The following NAT10 variants were observed in gnomAD, a reference collection of about 807,000 sequenced individuals.
The protein encoded by NAT10 is N-acetyltransferase 10, also known as RNA cytidine acetyltransferase.
Under a neutral mutation model 132.2 loss-of-function variants are expected in NAT10, and 109 were observed. The observed-to-expected ratio is 0.82, with a 90% CI of 0.71 to 0.97. The LOEUF (loss-of-function observed/expected upper bound fraction) is 0.97. Ranked by LOEUF, NAT10 falls within the 50% of genes least tolerant of loss-of-function variation. The probability of loss-of-function intolerance (pLI) is 0.00; values close to 1 mark genes in which losing one functional copy is unlikely to be tolerated. For missense variants in NAT10, 1,184 were observed against 1,263.4 expected, an observed-to-expected ratio of 0.94 and a Z score of 0.95; for synonymous variants, 479 against 478.0, an observed-to-expected ratio of 1.00 and a Z score of -0.03.
At chr11:34,106,435 T>A (rs1481344378) in intron 1 of NAT10, among the ~76,000 whole-genome samples, 1 of 152,082 alleles carries the variant, frequency 6.6e-6, no homozygotes, top group African/African-American at 2.4e-5. Context: ...TTTTTTTTTT[T>A]ACATCTAATT....
Position 34,117,781 on chromosome 11 carries a change from G to C in NAT10, c.558-399G>C, listed in dbSNP as rs1315496051. Among the ~76,000 whole-genome samples, 6 of 151,630 alleles carry C rather than the reference G, an allele frequency of 4.0e-5. No individual in the cohort carries two copies. In the East Asian group the frequency reaches 1.2e-3, roughly 29 times the overall value. ...CTAGTGACAAAAGATGAATTCATTT[G>C]TATTTTTTCCCTGTGTGACTGGTGA... On this transcript the variant is annotated intron_variant, in intron 6 of 28. Transcript: ENST00000257829.
At chr11:34,145,893 G>T (rs932262513) in intron 28 of NAT10, among the ~76,000 whole-genome samples, 191 bp from the exon 29 acceptor site, 2 of 152,158 alleles carry the variant, frequency 1.3e-5, no homozygotes, top group Non-Finnish European at 2.9e-5. Context: ...GGTCTGTATG[G>T]TGTGTCCCCA....
At chr11:34,123,896 G>C in intron 10 of NAT10, 41 bp downstream of exon 10, 3 of 1,495,550 alleles carry the variant, frequency 2.0e-6, no homozygotes, top group South Asian at 1.1e-5. Context: ...TGGACCTGGT[G>C]TGGTGGCTCA....
At chr11:34,140,973 G>A in intron 24 of NAT10, 116 bp from the exon 25 acceptor site, 1 of 1,373,668 alleles carries the variant, frequency 7.3e-7, no homozygotes, top group Non-Finnish European at 1.0e-6. Context: ...TATACACAGT[G>A]CTAGTCTACC....
At chr11:34,144,896 G>A (rs1408637925) in intron 28 of NAT10, among the ~76,000 whole-genome samples, 1 of 152,218 alleles carries the variant, frequency 6.6e-6, no homozygotes, top group East Asian at 1.9e-4. Context: ...GAAACCTTGT[G>A]TCTCTAGGAA....
At chr11:34,129,984 A>G (rs1275455897) in intron 12 of NAT10, among the ~76,000 whole-genome samples, 3 of 152,124 alleles carry the variant, frequency 2.0e-5, no homozygotes, top group Admixed American at 6.5e-5. Flanking sequence ...TTTTTCTTAA[A>G]TAAATAAATA....
chr11:34,143,643 C>T, intron 28 of NAT10, 115 bp downstream of exon 28: 1 of 946,256 alleles, frequency 1.1e-6, no homozygotes, highest in Non-Finnish European at 1.6e-6. Flanking sequence ...ACAGAAAAGT[C>T]ATGGTTCTTC....
chr11:34,135,540 T>G (rs1237610128), intron 19 of NAT10, among the ~76,000 whole-genome samples: 1 of 152,214 alleles, frequency 6.6e-6, no homozygotes, highest in Non-Finnish European at 1.5e-5. Flanking sequence ...GGGTAGACCC[T>G]GTAATCTGTA....
chr11:34,128,847 C>A (rs1391405000), intron 12 of NAT10, among the ~76,000 whole-genome samples: 5 of 152,182 alleles, frequency 3.3e-5, no homozygotes, highest in Non-Finnish European at 5.9e-5. Context: ...TTCCTCCACA[C>A]CCCCCAACCC....
intron 15 of NAT10, 118 bp from the exon 16 acceptor site, chr11:34,132,908 T>C (rs1852130205): frequency 7.8e-6 from 6 of 774,106 alleles, no homozygotes; most frequent in Non-Finnish European, 1.4e-5. Flanking sequence ...GGACTTCTGC[T>C]CCTCACTTGG....
chr11:34,112,011 G>C (rs1366720762), intron 3 of NAT10, 41 bp from the exon 4 acceptor site: 1 of 1,609,896 alleles, frequency 6.2e-7, no homozygotes, highest in Non-Finnish European at 8.5e-7. Context: ...TAGCTGCTCT[G>C]GTTAACTGGC....
At position 34,115,250 on chromosome 11, in the gene NAT10, A is replaced by C. The variant is rs1851764978; in HGVS notation, c.496-573A>C. Among the ~76,000 whole-genome samples, 3 of 152,190 alleles carry C rather than the reference A, an allele frequency of 2.0e-5. No individual in the cohort carries two copies. The South Asian group carries it at 6.2e-4, about 31-fold the overall frequency. ...GATCTTAGAAGAGTTCCTGGCATTT[A>C]GTAAGCATTCCTTAGATAGTTGAGA... On this transcript the variant is annotated intron_variant, in intron 5 of 28. Transcript: ENST00000257829.
intron 28 of NAT10, 34 bp downstream of exon 28, chr11:34,143,562 A>G: frequency 6.3e-7 from 1 of 1,591,752 alleles, no homozygotes; most frequent in Non-Finnish European, 8.6e-7. Context: ...CATCTGGCGG[A>G]AGAGGCATTC....
chr11:34,129,241 C>T (rs902711723), intron 12 of NAT10, among the ~76,000 whole-genome samples: 2 of 152,192 alleles, frequency 1.3e-5, no homozygotes, highest in African/African-American at 2.4e-5. Context: ...GCACATTCTA[C>T]GTTCCCACCA....
chr11:34,129,139 C>A (rs1852053766), intron 12 of NAT10, among the ~76,000 whole-genome samples: 1 of 152,150 alleles, frequency 6.6e-6, no homozygotes, highest in African/African-American at 2.4e-5. Flanking sequence ...ACATGTTTTT[C>A]AGTTCTCTTA....
chr11:34,127,357 A>G, intron 11 of NAT10, 106 bp from the exon 12 acceptor site: 1 of 1,251,302 alleles, frequency 8.0e-7, no homozygotes, highest in Non-Finnish European at 1.1e-6. Flanking sequence ...GAGAGAAGGA[A>G]ACAGGGAGAG....
chr11:34,139,329 T>C, intron 22 of NAT10, 42 bp downstream of exon 22: 10 of 1,598,854 alleles, frequency 6.3e-6, no homozygotes, highest in Non-Finnish European at 8.6e-6. Flanking sequence ...ATGAGGTGAT[T>C]GGGGGCTGCC....
chr11:34,140,548 C>A lies in NAT10; in HGVS notation c.2568C>A (p.Asp856Glu), dbSNP rs1452117216. ...SRIYFLNQLG[D>E]LALSAAQSAL... Reference sequence around the variant, plus strand: ...TCTATTTCCTGAACCAGCTGGGGGACCTGGCCCTGTCTGCGGCTCAGTCGG... The same window carrying A: ...TCTATTTCCTGAACCAGCTGGGGGAACTGGCCCTGTCTGCGGCTCAGTCGG... The change falls in exon 24 of 29, where the codon GAC becomes GAA. Residue 856 changes from aspartate (D) to glutamate (E), a missense_variant. Coordinates refer to ENST00000257829, the MANE Select transcript of NAT10 (RefSeq NM_024662.3). 6.2e-7 allele frequency: 1 copy of A among 1,613,974 alleles called. No individual in the cohort carries two copies. Among genetic ancestry groups the A allele is most frequent in the East Asian group, 2.2e-5 (1 of 44,892 alleles).
intron 8 of NAT10, among the ~76,000 whole-genome samples, chr11:34,120,297 GT>G (rs1851869974): frequency 6.6e-6 from 1 of 152,086 alleles, no homozygotes; most frequent in Non-Finnish European, 1.5e-5. Context: ...ATTTTTCAGA[GT>G]TTATAACTTC....
Sources: allele counts gnomAD v4.1 joint callset (sites outside exome capture counted in the v4.1 genomes callset), GRCh38; gene constraint gnomAD v4.1.1; transcripts MANE v1.5; gene names NCBI Gene and HGNC (gene_info 2026-07-23, HGNC 2026-07-21).